The following IER3IP1 variants were observed in gnomAD, a reference collection of about 807,000 sequenced individuals.
IER3IP1 encodes immediate early response 3 interacting protein 1, also known as immediate early response 3-interacting protein 1.
In IER3IP1, 16 loss-of-function variants were observed where a neutral mutation model predicts 12.2. That is an observed-to-expected ratio of 1.31 (90% CI 0.89 to 1.99). The LOEUF (loss-of-function observed/expected upper bound fraction) is 1.99, where lower values mean the gene tolerates loss of function less well. IER3IP1 is among the 30% of genes most tolerant of loss of function. The pLI, the probability that IER3IP1 is intolerant of heterozygous loss-of-function variation, is 0.00. For missense variants in IER3IP1, 95 were observed against 95.8 expected (o/e 0.99, Z 0.03); for synonymous variants, 42 against 40.0 (o/e 1.05, Z -0.19).
chr18:47,176,189 T>C lies in IER3IP1; in HGVS notation c.89A>G (p.Asn30Ser), dbSNP rs2064032887. ...CCGCGCCCCGCGGTCCCACTCACTG[T>C]TCTTGAGGAATCGCTCCTCGTGCAG... ...AVLHEERFLKNIGWGTDQGIG... is the reference protein window; with the variant it reads ...AVLHEERFLKSIGWGTDQGIG... The change falls in exon 1 of 3, where the codon AAC becomes AGC. Residue 30 changes from asparagine (N) to serine (S), a missense_variant and splice_region_variant. Transcript: ENST00000256433. 1 of 1,594,012 alleles carries C rather than the reference T, an allele frequency of 6.3e-7. No individual in the cohort carries two copies. Among genetic ancestry groups the C allele is most frequent in the East Asian group, 2.3e-5 (1 of 44,052 alleles).
chr18:47,154,193 T>G lies in IER3IP1; in HGVS notation c.*1984A>C, dbSNP rs2063950502. ...AGGACATGGGCAGGCCAACAGGCACTTAAGTTACTGTCTACTAAAATAACA... is the reference window on the plus strand; with the variant it reads ...AGGACATGGGCAGGCCAACAGGCACGTAAGTTACTGTCTACTAAAATAACA... On this transcript the variant is annotated 3_prime_UTR_variant, in exon 3 of 3. Transcript: ENST00000256433. The G allele has an allele frequency of 6.6e-6, 1 of 152,208 alleles. No individual in the cohort carries two copies. The highest frequency in any genetic ancestry group is 1.5e-5 in the Non-Finnish European group (1 of 68,050). 9.4% of individuals were successfully genotyped at this position (152,208 alleles called of 1,614,324 possible).
At position 47,155,229 on chromosome 18, in the gene IER3IP1, AGAC is replaced by A. The variant is rs1477012191; in HGVS notation, c.*945_*947del. On this transcript the variant is annotated 3_prime_UTR_variant, in exon 3 of 3. Transcript: ENST00000256433. ...AGATGGTCTGAGACATAAAAACAAA[AGAC>A]AACCTATCCAGCATCAATGTCCTAT... 5 of 152,370 alleles carry A rather than the reference AGAC, an allele frequency of 3.3e-5. No homozygotes were observed. In the East Asian group the frequency reaches 9.6e-4, roughly 29 times the overall value. 9.4% of individuals were successfully genotyped at this position (152,370 alleles called of 1,614,324 possible). A position where few individuals can be genotyped will look rare whatever the true frequency, so the allele number is the denominator to read the frequency against.
intron 1 of IER3IP1, among the ~76,000 whole-genome samples, chr18:47,159,804 C>G (rs1423800803): frequency 6.6e-6 from 1 of 151,956 alleles, no homozygotes; most frequent in East Asian, 1.9e-4. Context: ...TGGCTCTCCT[C>G]AGACAAAATG....
intron 1 of IER3IP1, among the ~76,000 whole-genome samples, chr18:47,173,554 G>T (rs1394642572): frequency 1.3e-5 from 2 of 152,120 alleles, no homozygotes; most frequent in Non-Finnish European, 2.9e-5. Context: ...ATGTTGTCCA[G>T]AGTGGTCTCA....
intron 1 of IER3IP1, among the ~76,000 whole-genome samples, chr18:47,158,944 C>T (rs2144424809): frequency 6.6e-6 from 1 of 152,152 alleles, no homozygotes; most frequent in African/African-American, 2.4e-5. Context: ...GCCTGGGCAA[C>T]AGAGACCCTG....
chr18:47,162,329 C>G (rs1189038916), intron 1 of IER3IP1, among the ~76,000 whole-genome samples: 1 of 152,166 alleles, frequency 6.6e-6, no homozygotes, highest in East Asian at 1.9e-4. Flanking sequence ...ATGGAACTTC[C>G]AAAGAGCTTC....
At chr18:47,176,086 T>C in intron 1 of IER3IP1, 101 bp downstream of exon 1, 3 of 972,396 alleles carry the variant, frequency 3.1e-6, no homozygotes, top group South Asian at 2.8e-5. Context: ...TCCGCTGTTC[T>C]TCTGTCCCGG....
In IER3IP1 at chr18:47,173,130, C is replaced by A. The variant is rs533863455; in HGVS notation, c.91+3057G>T. On this transcript the variant is annotated intron_variant, in intron 1 of 2. Coordinates refer to ENST00000256433, the MANE Select transcript of IER3IP1 (RefSeq NM_016097.5). ...ACTGGCTATTTTACATCTCCACTTG[C>A]GTATCTCATAGAAATCTCAAACTGA... Among the ~76,000 whole-genome samples the A allele has an allele frequency of 5.3e-5, 8 of 152,290 alleles. No individual in the cohort carries two copies. In the East Asian group the frequency reaches 1.5e-3, roughly 29 times the overall value.
chr18:47,167,370 A>T (rs1471853301), intron 1 of IER3IP1, among the ~76,000 whole-genome samples: 1 of 152,166 alleles, frequency 6.6e-6, no homozygotes, highest in Non-Finnish European at 1.5e-5. Flanking sequence ...AGGAGTTTTT[A>T]ATGTAAGGGC....
chr18:47,159,263 T>C (rs1337981904), intron 1 of IER3IP1, among the ~76,000 whole-genome samples: 2 of 152,242 alleles, frequency 1.3e-5, no homozygotes, highest in Non-Finnish European at 2.9e-5. Flanking sequence ...CTAAGTCTTT[T>C]GACAGATCAA....
At chr18:47,176,112 C>CACGCGGCCCCATTAGGTT (rs1446096745) in intron 1 of IER3IP1, 75 bp downstream of exon 1, 32 of 1,214,866 alleles carry the variant, frequency 2.6e-5, no homozygotes, top group Non-Finnish European at 3.5e-5. Flanking sequence ...GGTGTCCCCT[C>CACGCGGCCCCATTAGGTT]ACGCGGCCCC....
At chr18:47,173,074 T>C (rs1267973180) in intron 1 of IER3IP1, among the ~76,000 whole-genome samples, 1 of 152,232 alleles carries the variant, frequency 6.6e-6, no homozygotes. Context: ...TCCGCCCTAA[T>C]TCGTGCTGCT....
At chr18:47,173,585 C>T (rs958843988) in intron 1 of IER3IP1, among the ~76,000 whole-genome samples, 1 of 152,200 alleles carries the variant, frequency 6.6e-6, no homozygotes, top group African/African-American at 2.4e-5. Flanking sequence ...CTCAAGTGAT[C>T]TGCCCACCTT....
Position 47,176,235 on chromosome 18 carries a change from A to C in IER3IP1, c.43T>G (p.Cys15Gly). The change falls in exon 1 of 3, where the codon TGC becomes GGC. Residue 15 changes from cysteine to glycine, a missense_variant. Coordinates refer to ENST00000256433, the MANE Select transcript of IER3IP1 (RefSeq NM_016097.5). ...TGCAGCACTGCGATGGCGTTGACGC[A>C]GAGCAGGGCTGCCTGCAGCAGTGAG... ...LYSLLQAALL[C>G]VNAIAVLHEE... 1 of 1,609,298 alleles carries C rather than the reference A, an allele frequency of 6.2e-7. No individual in the cohort carries two copies. The highest frequency in any genetic ancestry group is 8.5e-7 in the Non-Finnish European group (1 of 1,178,192).
At position 47,176,353 on chromosome 18, in the gene IER3IP1, G is replaced by A; in HGVS notation, c.-76C>T. 7.6e-7 allele frequency: 1 copy of A among 1,317,416 alleles called. No individual in the cohort carries two copies. 81.6% of individuals were successfully genotyped at this position (1,317,416 alleles called of 1,614,324 possible). ...AAGGGACGTGGCGCCTCCACGGCCG[G>A]CGCCTTCCTACGGAAGCCGATGGGG... is the stretch of plus-strand genomic sequence containing the variant. On this transcript the variant is annotated 5_prime_UTR_variant, in exon 1 of 3. Transcript: ENST00000256433.
chr18:47,157,709 T>C (rs1322630317), intron 1 of IER3IP1, among the ~76,000 whole-genome samples, 172 bp from the exon 2 acceptor site: 1 of 152,250 alleles, frequency 6.6e-6, no homozygotes, highest in Non-Finnish European at 1.5e-5. Context: ...TTTTTAACTT[T>C]TGATAGCAGC....
At chr18:47,160,635 A>C (rs184154743) in intron 1 of IER3IP1, among the ~76,000 whole-genome samples, 1 of 152,290 alleles carries the variant, frequency 6.6e-6, no homozygotes, top group Non-Finnish European at 1.5e-5. Context: ...GTTTATACCC[A>C]AAAACACACT....
intron 1 of IER3IP1, among the ~76,000 whole-genome samples, chr18:47,174,162 C>A (rs1444664623): frequency 6.6e-6 from 1 of 152,158 alleles, no homozygotes; most frequent in Non-Finnish European, 1.5e-5. Flanking sequence ...CAGATGAACT[C>A]TGGAAGATGA....
At chr18:47,175,894 G>A (rs1349843751) in intron 1 of IER3IP1, among the ~76,000 whole-genome samples, 1 of 152,046 alleles carries the variant, frequency 6.6e-6, no homozygotes, top group Admixed American at 6.5e-5. Context: ...AGTAGTCACA[G>A]AAAACTGAAT....
Sources: gnomAD v4.1 joint callset for allele counts (sites outside exome capture counted in the v4.1 genomes callset) on GRCh38, gnomAD v4.1.1 for gene constraint, MANE v1.5 for transcripts, NCBI Gene and HGNC (gene_info 2026-07-23, HGNC 2026-07-21) for gene names.